WASHC5: variants seen among roughly 807,000 people sequenced by gnomAD.
WASHC5 encodes WASH complex subunit 5.
WASHC5 carries 101 observed loss-of-function variants against 150.4 expected under a neutral mutation model. The observed-to-expected ratio is 0.67, with a 90% confidence interval of 0.57 to 0.79. WASHC5 has a LOEUF of 0.79. Among genes scored for constraint, WASHC5 ranks in the 30% least tolerant of loss-of-function variants. The pLI is 0.00. For missense variants in WASHC5, 1,195 were observed against 1,396.3 expected (o/e 0.86, Z 2.30); for synonymous variants, 467 against 491.2 (o/e 0.95, Z 0.65).
chr8:125,075,582 A>G (rs1405403246), intron 7 of WASHC5, among the ~76,000 whole-genome samples: 1 of 152,174 alleles, frequency 6.6e-6, no homozygotes, highest in African/African-American at 2.4e-5. Context: ...CTGAAGCCAC[A>G]CTATCAGTGT....
At chr8:125,041,495 G>A (rs1815885526) in intron 23 of WASHC5, among the ~76,000 whole-genome samples, 1 of 152,104 alleles carries the variant, frequency 6.6e-6, no homozygotes, top group Non-Finnish European at 1.5e-5. Flanking sequence ...AAAAAAATTA[G>A]CTGGGTATGG....
At chr8:125,081,786 C>T (rs1563636190) in intron 4 of WASHC5, 25 bp from the exon 5 acceptor site, 2 of 1,317,014 alleles carry the variant, frequency 1.5e-6, no homozygotes, top group Admixed American at 1.7e-5. Context: ...GGACAAAAGC[C>T]AAAATCACTA....
At chr8:125,040,081 A>G (rs1323084316) in intron 23 of WASHC5, among the ~76,000 whole-genome samples, 183 bp from the exon 24 acceptor site, 1 of 152,196 alleles carries the variant, frequency 6.6e-6, no homozygotes, top group Non-Finnish European at 1.5e-5. Flanking sequence ...GAAGCACCAG[A>G]GGCCCTTCAA....
intron 28 of WASHC5, among the ~76,000 whole-genome samples, chr8:125,028,219 T>C (rs1332004678): frequency 6.6e-6 from 1 of 152,248 alleles, no homozygotes; most frequent in African/African-American, 2.4e-5. Context: ...TGCTCATATA[T>C]ACATTTAGTT....
intron 14 of WASHC5, among the ~76,000 whole-genome samples, chr8:125,058,122 T>C (rs1218546574): frequency 6.6e-6 from 1 of 151,616 alleles, no homozygotes. Context: ...TCCAATCTAA[T>C]ATGCCGTCAA....
At chr8:125,066,185 A>C (rs183509245) in intron 10 of WASHC5, among the ~76,000 whole-genome samples, 9 of 152,330 alleles carry the variant, frequency 5.9e-5, no homozygotes, top group Non-Finnish European at 1.0e-4. Flanking sequence ...TAGATCAAAA[A>C]GGAGCAGCAT....
intron 1 of WASHC5, among the ~76,000 whole-genome samples, chr8:125,085,318 G>C (rs887868256): frequency 2.6e-5 from 4 of 152,238 alleles, no homozygotes; most frequent in Admixed American, 6.5e-5. Context: ...TTCGGGGCTA[G>C]AGAAAGAAAC....
At chr8:125,027,248 TGCAG>T (rs879750646) in intron 28 of WASHC5, among the ~76,000 whole-genome samples, 134 of 152,212 alleles carry the variant, frequency 8.8e-4, no homozygotes, top group Non-Finnish European at 1.6e-3. Flanking sequence ...AAGACAGTTA[TGCAG>T]CAATCCCACT....
chr8:125,091,128 CT>C (rs201143172), intron 1 of WASHC5, among the ~76,000 whole-genome samples: 15,007 of 147,456 alleles, frequency 0.1, 801 homozygotes, highest in African/African-American at 0.12. Context: ...GCCCTGGGAA[CT>C]TTTTTTTTTT....
At chr8:125,068,229 C>A (rs1382099856) in intron 9 of WASHC5, among the ~76,000 whole-genome samples, 1 of 152,224 alleles carries the variant, frequency 6.6e-6, no homozygotes, top group Admixed American at 6.5e-5. Context: ...ATTTTGAGAA[C>A]TCACAAGATC....
intron 26 of WASHC5, among the ~76,000 whole-genome samples, chr8:125,035,458 C>G (rs180676072): frequency 4.5e-4 from 68 of 152,292 alleles, no homozygotes; most frequent in African/African-American, 1.3e-3. Flanking sequence ...TAACATAGAA[C>G]AGAGAGAGAA....
At chr8:125,086,716 G>A (rs140162056) in intron 1 of WASHC5, among the ~76,000 whole-genome samples, 1 of 152,236 alleles carries the variant, frequency 6.6e-6, no homozygotes, top group Non-Finnish European at 1.5e-5. Context: ...TAAGCCTTGA[G>A]AAGGCCTGGC....
chr8:125,058,439 G>A (rs149943648), intron 14 of WASHC5, among the ~76,000 whole-genome samples: 199 of 152,068 alleles, frequency 1.3e-3, no homozygotes, highest in Middle Eastern at 0.01. Context: ...ATGGTACATG[G>A]TAGCTCTGTC....
At chr8:125,089,956 A>T (rs12545710) in intron 1 of WASHC5, among the ~76,000 whole-genome samples, 2 of 152,074 alleles carry the variant, frequency 1.3e-5, no homozygotes, top group Admixed American at 1.3e-4. Context: ...ATGCAAAAGC[A>T]TATGAGTTAT....
At chr8:125,073,445 TAC>T (rs991207813) in intron 8 of WASHC5, 121 bp from the exon 9 acceptor site, 7 of 859,394 alleles carry the variant, frequency 8.1e-6, no homozygotes, top group South Asian at 5.7e-5. Flanking sequence ...ACATATGGAT[TAC>T]AGTTATAGGG....
intron 11 of WASHC5, among the ~76,000 whole-genome samples, chr8:125,061,704 A>G (rs1816599795): frequency 6.6e-6 from 1 of 152,198 alleles, no homozygotes; most frequent in Non-Finnish European, 1.5e-5. Flanking sequence ...GGATGTCTGA[A>G]CAATGCAGGG....
chr8:125,072,352 T>TAAA (rs1196471658), intron 9 of WASHC5, among the ~76,000 whole-genome samples: 1 of 16,834 alleles, frequency 5.9e-5, no homozygotes, highest in African/African-American at 2.0e-4. Context: ...AAAAAAAAAG[T>TAAA]GGGGGGGGGG....
intron 28 of WASHC5, among the ~76,000 whole-genome samples, chr8:125,027,597 A>C (rs1272533842): frequency 6.6e-6 from 1 of 152,176 alleles, no homozygotes; most frequent in South Asian, 2.1e-4. Flanking sequence ...GAATTATACA[A>C]TGGACTTTGG....
intron 9 of WASHC5, among the ~76,000 whole-genome samples, chr8:125,070,668 T>C (rs1280845802): frequency 1.3e-5 from 2 of 152,220 alleles, no homozygotes; most frequent in South Asian, 2.1e-4. Context: ...AAATTAGAAC[T>C]GGAGTTTATG....
Sources: allele counts gnomAD v4.1 joint callset (sites outside exome capture counted in the v4.1 genomes callset), GRCh38; gene constraint gnomAD v4.1.1; transcripts MANE v1.5; gene names NCBI Gene and HGNC (gene_info 2026-07-23, HGNC 2026-07-21).